Variants in AGMO observed in about 807,000 individuals in gnomAD.
AGMO encodes glyceryl-ether monooxygenase.
Under a neutral mutation model 60.2 loss-of-function variants are expected in AGMO, and 75 were observed. The observed-to-expected ratio is 1.25, with a 90% CI of 1.03 to 1.51. The LOEUF is 1.51. Among genes scored for constraint, AGMO ranks in the 40% most tolerant of loss-of-function variants. AGMO has a pLI of 0.00. For missense variants in AGMO, 763 were observed against 525.5 expected (o/e 1.45, Z -4.42); for synonymous variants, 261 against 177.1 (o/e 1.47, Z -3.76).
intron 6 of AGMO, among the ~76,000 whole-genome samples, chr7:15,392,245 T>TA (rs1188238239): frequency 6.6e-6 from 1 of 150,844 alleles, no homozygotes; most frequent in African/African-American, 2.5e-5. Context: ...AATTTTTCTG[T>TA]ATTTTTTTTA....
At chr7:15,323,171 A>T (rs548745316) in intron 12 of AGMO, among the ~76,000 whole-genome samples, 1 of 151,982 alleles carries the variant, frequency 6.6e-6, no homozygotes. Context: ...AGAGATGATA[A>T]GCGAATGATC....
rs137980424 is a variant in AGMO at position 15,385,557 on chromosome 7, G to T, written c.963C>A (p.Thr321=). The T allele has an allele frequency of 2.6e-5, 41 of 1,582,118 alleles. 1 individual carries two copies. In the East Asian group the frequency reaches 8.3e-4, roughly 32 times the overall value. The change falls in exon 10 of 13, where the codon ACC becomes ACA. Residue 321 remains threonine, a synonymous_variant. Coordinates refer to ENST00000342526, the MANE Select transcript of AGMO (RefSeq NM_001004320.2). ...ATGATGAGAAGGGAACTTCTTTGCC[G>T]GTGACCTAGGGAGACAAGAACCATT... The part of the protein sequence containing the change: ...LGLSEEIPEV[T]GKEVPFSSSS...
intron 12 of AGMO, among the ~76,000 whole-genome samples, chr7:15,358,885 A>G (rs548329652): frequency 3.3e-5 from 5 of 152,304 alleles, no homozygotes; most frequent in Admixed American, 6.5e-5. Context: ...CATTTTTAAA[A>G]TAAAGCAGGG....
At chr7:15,369,860 C>T (rs949837413) in intron 10 of AGMO, among the ~76,000 whole-genome samples, 5 of 152,120 alleles carry the variant, frequency 3.3e-5, no homozygotes, top group African/African-American at 9.7e-5. Context: ...AATGTTATTA[C>T]ATTGCTAATA....
At chr7:15,336,069 G>T (rs139031353) in intron 12 of AGMO, among the ~76,000 whole-genome samples, 1 of 152,074 alleles carries the variant, frequency 6.6e-6, no homozygotes, top group Non-Finnish European at 1.5e-5. Flanking sequence ...CAGGTTGTCC[G>T]CTATGTGAGG....
chr7:15,219,859 A>G (rs1360290090), intron 12 of AGMO, among the ~76,000 whole-genome samples: 1 of 152,134 alleles, frequency 6.6e-6, no homozygotes, highest in Non-Finnish European at 1.5e-5. Context: ...TACCTAAGAA[A>G]ATATATCTAT....
chr7:15,257,559 G>C (rs1783133340), intron 12 of AGMO, among the ~76,000 whole-genome samples: 1 of 152,166 alleles, frequency 6.6e-6, no homozygotes, highest in East Asian at 1.9e-4. Flanking sequence ...AGATTCTTTT[G>C]CAATTTTTCC....
At chr7:15,433,671 A>G (rs1475390571) in intron 3 of AGMO, among the ~76,000 whole-genome samples, 4 of 152,052 alleles carry the variant, frequency 2.6e-5, no homozygotes, top group Non-Finnish European at 5.9e-5. Context: ...AGAAAAAGAT[A>G]TTATTTAGAA....
At chr7:15,386,776 A>G (rs1310287540) in intron 9 of AGMO, among the ~76,000 whole-genome samples, 3 of 152,188 alleles carry the variant, frequency 2.0e-5, no homozygotes, top group East Asian at 1.9e-4. Flanking sequence ...CACAACTTAT[A>G]TTCTAAATGA....
chr7:15,438,706 A>G (rs1485717713), intron 3 of AGMO, among the ~76,000 whole-genome samples: 2 of 152,162 alleles, frequency 1.3e-5, no homozygotes, highest in Non-Finnish European at 2.9e-5. Flanking sequence ...GTACGCAAAG[A>G]CACCAGATGG....
At chr7:15,298,556 C>T (rs1784468629) in intron 12 of AGMO, among the ~76,000 whole-genome samples, 1 of 152,038 alleles carries the variant, frequency 6.6e-6, no homozygotes, top group Admixed American at 6.6e-5. Flanking sequence ...TGTGTGCCAA[C>T]ATGCTCAGAT....
the AGMO span, among the ~76,000 whole-genome samples, chr7:15,194,001 T>C: frequency 6.6e-6 from 1 of 152,214 alleles, no homozygotes; most frequent in African/African-American, 2.4e-5. Context: ...ACAAATAATT[T>C]CAAGAAATTT....
intron 8 of AGMO, among the ~76,000 whole-genome samples, chr7:15,388,972 A>G (rs1156746540): frequency 6.6e-6 from 1 of 152,190 alleles, no homozygotes; most frequent in Non-Finnish European, 1.5e-5. Flanking sequence ...CTGTTCCTAA[A>G]TACCTGTGAT....
intron 3 of AGMO, among the ~76,000 whole-genome samples, chr7:15,514,046 C>T (rs1373884426): frequency 6.6e-6 from 1 of 152,132 alleles, no homozygotes; most frequent in Non-Finnish European, 1.5e-5. Flanking sequence ...TTTAATACCA[C>T]CAATATGCTA....
At chr7:15,301,725 T>A (rs1204405971) in intron 12 of AGMO, among the ~76,000 whole-genome samples, 2 of 152,200 alleles carry the variant, frequency 1.3e-5, no homozygotes, top group South Asian at 2.1e-4. Context: ...AAAAAATGAC[T>A]ATAATAATAT....
rs753117477 is a variant in AGMO at position 15,465,156 on chromosome 7, A to G, written c.410-34048T>C. ...TTGGTTTTGTTTTTGAGTAGCCTTT[A>G]TGCCCCTACTTTCGACAAGCTAAGG... On this transcript the variant is annotated intron_variant, in intron 3 of 12. Transcript: ENST00000342526. 9.2e-5 allele frequency among the ~76,000 whole-genome samples: 14 copies of G among 152,066 alleles called. No homozygotes were observed. In the South Asian group the frequency reaches 2.9e-3, roughly 32 times the overall value.
At chr7:15,391,753 G>C (rs1258351217) in intron 6 of AGMO, among the ~76,000 whole-genome samples, 3 of 152,096 alleles carry the variant, frequency 2.0e-5, no homozygotes, top group Non-Finnish European at 4.4e-5. Flanking sequence ...TTTAAATAAT[G>C]GTTCTGAATT....
At chr7:15,137,224 C>T in the AGMO span, among the ~76,000 whole-genome samples, 9 of 152,152 alleles carry the variant, frequency 5.9e-5, no homozygotes, top group Non-Finnish European at 1.2e-4. Context: ...CTCTAGAAAG[C>T]TTTGCATATT....
At chr7:15,132,784 G>A in the AGMO span, among the ~76,000 whole-genome samples, 1 of 152,160 alleles carries the variant, frequency 6.6e-6, no homozygotes, top group African/African-American at 2.4e-5. Context: ...AAATGACAAA[G>A]ACAATGTGAA....
Sources: gnomAD v4.1 joint callset for allele counts (sites outside exome capture counted in the v4.1 genomes callset) on GRCh38, gnomAD v4.1.1 for gene constraint, MANE v1.5 for transcripts, NCBI Gene and HGNC (gene_info 2026-07-23, HGNC 2026-07-21) for gene names.